Variants in ACBD6 observed in about 807,000 individuals in gnomAD.
The protein encoded by ACBD6 is acyl-CoA binding domain containing 6.
In ACBD6, 28 loss-of-function variants were observed where a neutral mutation model predicts 37.2. The observed-to-expected ratio is 0.75, with a 90% CI of 0.56 to 1.03. The LOEUF (loss-of-function observed/expected upper bound fraction) is 1.03, where lower values mean the gene tolerates loss of function less well. ACBD6 is among the 50% of genes least tolerant of loss of function. The pLI is 0.00. For missense variants in ACBD6, 340 were observed against 337.4 expected (o/e 1.01, Z -0.06); for synonymous variants, 113 against 126.8 (o/e 0.89, Z 0.73).
At chr1:180,476,182 T>C (rs982751577) in intron 3 of ACBD6, among the ~76,000 whole-genome samples, 4 of 152,228 alleles carry the variant, frequency 2.6e-5, no homozygotes, top group African/African-American at 9.7e-5. Context: ...AGATCTCTGA[T>C]GCAAAACTAT....
intron 4 of ACBD6, among the ~76,000 whole-genome samples, chr1:180,421,324 T>C (rs1648353591): frequency 6.6e-6 from 1 of 152,226 alleles, no homozygotes; most frequent in Admixed American, 6.5e-5. Flanking sequence ...ACTCCATCCA[T>C]GTCCCTGCAA....
chr1:180,438,555 T>C (rs1649148643), intron 3 of ACBD6, among the ~76,000 whole-genome samples: 1 of 152,072 alleles, frequency 6.6e-6, no homozygotes, highest in Non-Finnish European at 1.5e-5. Context: ...TACGTGGTAG[T>C]TCAAAAAAAA....
intron 3 of ACBD6, among the ~76,000 whole-genome samples, chr1:180,433,124 T>C (rs1278777703): frequency 2.6e-5 from 4 of 152,170 alleles, no homozygotes; most frequent in East Asian, 1.9e-4. Context: ...CCCTGATGAA[T>C]ATTAATCCAA....
At chr1:180,355,575 T>C (rs1313562237) in intron 6 of ACBD6, among the ~76,000 whole-genome samples, 2 of 152,226 alleles carry the variant, frequency 1.3e-5, no homozygotes, top group African/African-American at 4.8e-5. Context: ...TTATTTTTTA[T>C]ATTATCTTTC....
At chr1:180,340,646 A>C (rs1209732293) in intron 6 of ACBD6, among the ~76,000 whole-genome samples, 2 of 151,988 alleles carry the variant, frequency 1.3e-5, no homozygotes, top group African/African-American at 4.8e-5. Context: ...AAACAAAAAA[A>C]CAAAAACAGG....
chr1:180,372,064 C>T (rs897814634), intron 6 of ACBD6, among the ~76,000 whole-genome samples: 3 of 152,018 alleles, frequency 2.0e-5, no homozygotes, highest in Non-Finnish European at 4.4e-5. Context: ...AATTAAGTTA[C>T]GATGGTGATG....
intron 3 of ACBD6, among the ~76,000 whole-genome samples, chr1:180,474,596 T>C (rs981209416): frequency 6.6e-6 from 1 of 152,192 alleles, no homozygotes; most frequent in Non-Finnish European, 1.5e-5. Context: ...ATCCTTAGCT[T>C]CCTCATCTGT....
At chr1:180,497,837 A>G (rs1218235791) in intron 1 of ACBD6, among the ~76,000 whole-genome samples, 1 of 152,202 alleles carries the variant, frequency 6.6e-6, no homozygotes, top group African/African-American at 2.4e-5. Context: ...TCACGCAGAT[A>G]TGTTGTTAGA....
At chr1:180,479,552 G>A (rs1557887709) in intron 3 of ACBD6, among the ~76,000 whole-genome samples, 2 of 152,168 alleles carry the variant, frequency 1.3e-5, no homozygotes, top group South Asian at 2.1e-4. Context: ...TAAACATACA[G>A]TAAGAAAGAA....
At chr1:180,415,419 A>C (rs1038604698) in intron 4 of ACBD6, among the ~76,000 whole-genome samples, 8 of 135,282 alleles carry the variant, frequency 5.9e-5, no homozygotes, top group African/African-American at 2.4e-4. Context: ...AAACACACGC[A>C]AAAAAAAAAA....
At chr1:180,306,146 T>A (rs1650358492) in intron 7 of ACBD6, among the ~76,000 whole-genome samples, 1 of 150,870 alleles carries the variant, frequency 6.6e-6, no homozygotes, top group Non-Finnish European at 1.5e-5. Context: ...ATACCTAATG[T>A]TAAATGATGA....
At chr1:180,338,456 G>A (rs921775051) in intron 6 of ACBD6, among the ~76,000 whole-genome samples, 2 of 152,134 alleles carry the variant, frequency 1.3e-5, no homozygotes, top group African/African-American at 4.8e-5. Context: ...AAATGGTGCT[G>A]GGAAAACTGG....
At chr1:180,471,635 C>G (rs1213297112) in intron 3 of ACBD6, among the ~76,000 whole-genome samples, 1 of 152,104 alleles carries the variant, frequency 6.6e-6, no homozygotes, top group African/African-American at 2.4e-5. Context: ...ATAAGCCCAA[C>G]AGATCTTGTG....
At chr1:180,500,590 A>G (rs1651924424) in intron 1 of ACBD6, among the ~76,000 whole-genome samples, 1 of 151,358 alleles carries the variant, frequency 6.6e-6, no homozygotes, top group East Asian at 2.0e-4. Context: ...GCTACTCGGG[A>G]GGCTGGGACA....
intron 6 of ACBD6, among the ~76,000 whole-genome samples, chr1:180,362,487 C>G (rs1652888110): frequency 6.6e-6 from 1 of 152,090 alleles, no homozygotes; most frequent in African/African-American, 2.4e-5. Context: ...ATCAGCTATC[C>G]CTATACCTTA....
chr1:180,305,555 C>G (rs1447563456), intron 7 of ACBD6, among the ~76,000 whole-genome samples: 1 of 152,154 alleles, frequency 6.6e-6, no homozygotes, highest in Non-Finnish European at 1.5e-5. Context: ...CAATGAGATA[C>G]CATCTCACAC....
chr1:180,372,524 T>C (rs1185706465), intron 6 of ACBD6, among the ~76,000 whole-genome samples: 1 of 152,186 alleles, frequency 6.6e-6, no homozygotes, highest in African/African-American at 2.4e-5. Flanking sequence ...ATAGGCCTGT[T>C]ATTTTTCTCC....
chr1:180,322,429 G>A (rs1449615683), intron 6 of ACBD6, among the ~76,000 whole-genome samples: 1 of 152,038 alleles, frequency 6.6e-6, no homozygotes. Flanking sequence ...GAGAAGGACT[G>A]GTATTAGTTC....
At chr1:180,481,684 G>A (rs527992896) in intron 3 of ACBD6, among the ~76,000 whole-genome samples, 1 of 151,856 alleles carries the variant, frequency 6.6e-6, no homozygotes, top group Non-Finnish European at 1.5e-5. Flanking sequence ...CCCTTATACT[G>A]AGCATAAGTT....
Sources: allele counts gnomAD v4.1 joint callset (sites outside exome capture counted in the v4.1 genomes callset), GRCh38; gene constraint gnomAD v4.1.1; transcripts MANE v1.5; gene names NCBI Gene and HGNC (gene_info 2026-07-23, HGNC 2026-07-21).